LRRTM4: variants seen among roughly 807,000 people sequenced by gnomAD.
LRRTM4 encodes the protein leucine rich repeat transmembrane neuronal 4.
LRRTM4 carries 25 observed loss-of-function variants against 47.6 expected under a neutral mutation model. The observed-to-expected ratio is 0.53, with a 90% CI of 0.38 to 0.73. LRRTM4 has a LOEUF of 0.73. Ranked by LOEUF, LRRTM4 falls within the 30% of genes least tolerant of loss-of-function variation. The probability of loss-of-function intolerance (pLI) is 0.00; values close to 1 mark genes in which losing one functional copy is unlikely to be tolerated. For missense variants in LRRTM4, 638 were observed against 713.4 expected (o/e 0.89, Z 1.20); for synonymous variants, 311 against 269.5 (o/e 1.15, Z -1.51).
chr2:77,085,535 G>A (rs1162428485), intron 3 of LRRTM4, among the ~76,000 whole-genome samples: 1 of 151,856 alleles, frequency 6.6e-6, no homozygotes, highest in Admixed American at 6.6e-5. Flanking sequence ...ATGGAATCAC[G>A]TATTAAGAAG....
chr2:76,871,532 G>A (rs1287516450), intron 3 of LRRTM4, among the ~76,000 whole-genome samples: 2 of 152,116 alleles, frequency 1.3e-5, no homozygotes, highest in Non-Finnish European at 2.9e-5. Context: ...TGCATCCCAA[G>A]CATATAAAAC....
At chr2:77,087,959 C>T (rs1432127486) in intron 3 of LRRTM4, among the ~76,000 whole-genome samples, 2 of 152,058 alleles carry the variant, frequency 1.3e-5, no homozygotes, top group Non-Finnish European at 2.9e-5. Context: ...TATGCTATCC[C>T]TTTATTGTTG....
intron 3 of LRRTM4, among the ~76,000 whole-genome samples, chr2:76,910,625 T>A (rs947059934): frequency 6.6e-6 from 1 of 152,226 alleles, no homozygotes; most frequent in African/African-American, 2.4e-5. Flanking sequence ...AGAGCTAGTA[T>A]TAAATTTTTT....
chr2:77,390,770 A>G (rs957009615), intron 3 of LRRTM4, among the ~76,000 whole-genome samples: 2 of 151,788 alleles, frequency 1.3e-5, no homozygotes, highest in African/African-American at 4.8e-5. Context: ...CAAGAAAAAT[A>G]ACTTATTTTC....
intron 3 of LRRTM4, among the ~76,000 whole-genome samples, chr2:77,421,599 C>T (rs1330158464): frequency 6.6e-6 from 1 of 151,888 alleles, no homozygotes; most frequent in Non-Finnish European, 1.5e-5. Context: ...CCCAGCTACT[C>T]GGGAGGCTGA....
intron 3 of LRRTM4, among the ~76,000 whole-genome samples, chr2:76,933,544 A>T (rs774526271): frequency 7.2e-5 from 11 of 152,142 alleles, no homozygotes; most frequent in Non-Finnish European, 1.5e-4. Context: ...TGTTTACTAA[A>T]GTTATCCTCA....
At chr2:77,483,111 A>G (rs1183761380) in intron 3 of LRRTM4, among the ~76,000 whole-genome samples, 5 of 107,764 alleles carry the variant, frequency 4.6e-5, no homozygotes, top group Non-Finnish European at 7.3e-5. Context: ...GCAGAGCAAG[A>G]CTGTCTCAAA....
chr2:77,025,317 C>T (rs1181984837), intron 3 of LRRTM4, among the ~76,000 whole-genome samples: 1 of 152,112 alleles, frequency 6.6e-6, no homozygotes, highest in Non-Finnish European at 1.5e-5. Flanking sequence ...CTGTTTATCA[C>T]AATATCTGAT....
chr2:76,910,131 T>C (rs1227741122), intron 3 of LRRTM4, among the ~76,000 whole-genome samples: 1 of 151,944 alleles, frequency 6.6e-6, no homozygotes, highest in Non-Finnish European at 1.5e-5. Context: ...ATTAAGAAAA[T>C]GTGGCACATA....
chr2:76,898,791 TA>T (rs1227131932), intron 3 of LRRTM4, among the ~76,000 whole-genome samples: 2 of 150,996 alleles, frequency 1.3e-5, no homozygotes, highest in African/African-American at 4.8e-5. Context: ...CACTATACAT[TA>T]TATATAATAG....
At chr2:76,864,083 A>G (rs1672397020) in intron 3 of LRRTM4, among the ~76,000 whole-genome samples, 1 of 152,218 alleles carries the variant, frequency 6.6e-6, no homozygotes, top group Non-Finnish European at 1.5e-5. Context: ...TCCATCAAAG[A>G]AACTAGGGAT....
intron 3 of LRRTM4, among the ~76,000 whole-genome samples, chr2:77,299,101 G>A (rs1481440575): frequency 6.6e-6 from 1 of 151,982 alleles, no homozygotes; most frequent in Non-Finnish European, 1.5e-5. Context: ...TCTGACCAAA[G>A]TATCAACTAA....
intron 3 of LRRTM4, among the ~76,000 whole-genome samples, chr2:76,979,707 T>TAGATAGATAGATACAC (rs1553439620): frequency 1.3e-5 from 2 of 151,238 alleles, no homozygotes; most frequent in African/African-American, 4.9e-5. Context: ...GATAGATAGA[T>TAGATAGATAGATACAC]AGATAGATAG....
intron 3 of LRRTM4, among the ~76,000 whole-genome samples, chr2:77,276,924 G>A (rs763600655): frequency 2.6e-5 from 4 of 151,376 alleles, no homozygotes; most frequent in Non-Finnish European, 5.9e-5. Context: ...TCGAGGCCAG[G>A]AAAAGAGGGC....
At chr2:76,903,340 G>A (rs1478211690) in intron 3 of LRRTM4, among the ~76,000 whole-genome samples, 1 of 152,114 alleles carries the variant, frequency 6.6e-6, no homozygotes, top group Non-Finnish European at 1.5e-5. Context: ...ATTGAGACCA[G>A]CCTGGCCAAT....
intron 3 of LRRTM4, among the ~76,000 whole-genome samples, chr2:77,150,199 C>G (rs547514318): frequency 1.3e-5 from 2 of 151,898 alleles, no homozygotes; most frequent in Non-Finnish European, 2.9e-5. Context: ...AAATAGGATA[C>G]TAAGATTATA....
At chr2:76,894,326 G>T (rs74962272) in intron 3 of LRRTM4, among the ~76,000 whole-genome samples, 2,032 of 152,152 alleles carry the variant, frequency 0.013, 47 homozygotes, top group African/African-American at 0.047. Flanking sequence ...GGCATAGTAG[G>T]TCCCCTTGGA....
chr2:77,052,413 C>T (rs1679467186), intron 3 of LRRTM4, among the ~76,000 whole-genome samples: 1 of 151,860 alleles, frequency 6.6e-6, no homozygotes, highest in Non-Finnish European at 1.5e-5. Flanking sequence ...AGGAGATCCA[C>T]CCGCCTTGGC....
chr2:77,075,076 ATTTAT>A lies in LRRTM4; in HGVS notation c.1552-326165_1552-326161del, dbSNP rs568700387. On this transcript the variant is annotated intron_variant, in intron 3 of 3. Transcript: ENST00000409884. ...CAATATTCTTGCATAAAAATTTAAG[ATTTAT>A]TTTATTTTATTGTCATCAATAATGC... 2.6e-3 allele frequency among the ~76,000 whole-genome samples: 394 copies of A among 152,152 alleles called. 2 individuals carry two copies. Among genetic ancestry groups the A allele is most frequent in the African/African-American group, 9.2e-3 (384 of 41,522 alleles).
Sources: gnomAD v4.1 joint callset for allele counts (sites outside exome capture counted in the v4.1 genomes callset) on GRCh38, gnomAD v4.1.1 for gene constraint, MANE v1.5 for transcripts, NCBI Gene and HGNC (gene_info 2026-07-23, HGNC 2026-07-21) for gene names.